The following FGF12 variants were observed in gnomAD, a reference collection of about 807,000 sequenced individuals.
FGF12 encodes fibroblast growth factor 12.
Under a neutral mutation model 23.6 loss-of-function variants are expected in FGF12, and 14 were observed. The observed-to-expected ratio is 0.59, with a 90% CI of 0.39 to 0.93. The LOEUF is 0.93. Ranked by LOEUF, FGF12 falls within the 40% of genes least tolerant of loss-of-function variation. The pLI, the probability that FGF12 is intolerant of heterozygous loss-of-function variation, is 0.00. For synonymous variants in FGF12, 62 were observed against 77.3 expected (o/e 0.80, Z 1.04); for missense variants, 175 against 217.8 (o/e 0.80, Z 1.24).
At chr3:192,177,840 G>T (rs1305611695) in intron 4 of FGF12, among the ~76,000 whole-genome samples, 1 of 152,154 alleles carries the variant, frequency 6.6e-6, no homozygotes, top group Admixed American at 6.5e-5. Context: ...AAGCTCCCTT[G>T]ACTACCTTAC....
At chr3:192,635,720 G>T (rs183357069) in intron 2 of FGF12, among the ~76,000 whole-genome samples, 1 of 151,996 alleles carries the variant, frequency 6.6e-6, no homozygotes, top group East Asian at 1.9e-4. Flanking sequence ...CTTTTTTTAC[G>T]TGTGGGGAGG....
chr3:192,617,756 T>C (rs1714817191), intron 2 of FGF12, among the ~76,000 whole-genome samples: 1 of 151,926 alleles, frequency 6.6e-6, no homozygotes, highest in South Asian at 2.1e-4. Context: ...AGAGTTTTAG[T>C]AGAGATTATT....
chr3:192,668,569 C>CTGGTACACAGGGTCTGCG (rs1165553504), intron 2 of FGF12, among the ~76,000 whole-genome samples: 2 of 152,146 alleles, frequency 1.3e-5, no homozygotes, highest in Admixed American at 6.5e-5. Flanking sequence ...TGGTTTTCTG[C>CTGGTACACAGGGTCTGCG]TGGTACACAG....
At chr3:192,432,585 C>T (rs1366747685) in intron 2 of FGF12, among the ~76,000 whole-genome samples, 2 of 138,242 alleles carry the variant, frequency 1.4e-5, no homozygotes, top group African/African-American at 5.6e-5. Context: ...GGGGCAAGGT[C>T]CTGTAGGAAC....
chr3:192,252,935 C>T lies in FGF12; in HGVS notation c.229-82279G>A, dbSNP rs928912113. On this transcript the variant is annotated intron_variant, in intron 4 of 5. Coordinates refer to ENST00000445105, the MANE Select transcript of FGF12 (RefSeq NM_004113.6). ...TGGGGGAACTGATTTGGTCTTAATG[C>T]CAAGGAAAGAAACAATAAGAAACTA... 4.6e-5 allele frequency among the ~76,000 whole-genome samples: 7 copies of T among 151,952 alleles called. No homozygotes were observed. The East Asian group carries it at 1.4e-3, about 29-fold the overall frequency.
Position 192,408,042 on chromosome 3 carries a change from G to A in FGF12, c.14-47504C>T. 3 of 1,611,614 alleles carry A rather than the reference G, an allele frequency of 1.9e-6. No homozygotes were observed. The highest frequency in any genetic ancestry group is 2.2e-5 in the East Asian group (1 of 44,836). The stretch of plus-strand genomic sequence containing the variant: ...CTACTGACCTGGTCTCCGCCTCACC[G>A]GCCTCTTGCGGCCGCTGCAGAAGCG... On this transcript the variant is annotated intron_variant, in intron 2 of 5. Transcript: ENST00000445105. This position sits in a 1 kb window ranked among gnomAD's most constrained non-coding sequence, Gnocchi z 7.3.
At chr3:192,539,044 G>C (rs1349992731) in intron 2 of FGF12, among the ~76,000 whole-genome samples, 1 of 152,132 alleles carries the variant, frequency 6.6e-6, no homozygotes, top group Non-Finnish European at 1.5e-5. Flanking sequence ...TTTGGGTGCA[G>C]CCTTTAGGTT....
chr3:192,638,962 C>T lies in FGF12; in HGVS notation c.13+88219G>A, dbSNP rs189412608. ...AGAAATTCACTTCTGGCTTTCCCTG[C>T]ATTTAATGCTTTTGCACTACAAAGG... On this transcript the variant is annotated intron_variant, in intron 2 of 5. Transcript: ENST00000445105. Among the ~76,000 whole-genome samples the T allele has an allele frequency of 1.2e-4, 18 of 152,274 alleles. No individual in the cohort carries two copies. In the East Asian group the frequency reaches 2.9e-3, roughly 24 times the overall value.
chr3:192,163,701 G>C (rs1034925754), intron 5 of FGF12, among the ~76,000 whole-genome samples: 3 of 152,172 alleles, frequency 2.0e-5, no homozygotes. Flanking sequence ...CACTACAGAT[G>C]GTTCTGGTAC....
chr3:192,654,589 G>T (rs182686990), intron 2 of FGF12, among the ~76,000 whole-genome samples: 11 of 152,294 alleles, frequency 7.2e-5, no homozygotes, highest in Admixed American at 3.3e-4. Flanking sequence ...AATGATAGCC[G>T]AGTTAAGGAT....
At chr3:192,680,753 C>T (rs1419369584) in intron 2 of FGF12, among the ~76,000 whole-genome samples, 1 of 152,162 alleles carries the variant, frequency 6.6e-6, no homozygotes, top group Non-Finnish European at 1.5e-5. Context: ...CCTCCTAGCT[C>T]CCAAATCCAT....
chr3:192,601,044 A>C (rs1261864433), intron 2 of FGF12, among the ~76,000 whole-genome samples: 2 of 152,132 alleles, frequency 1.3e-5, no homozygotes, highest in Non-Finnish European at 2.9e-5. Flanking sequence ...TATGGAGTCA[A>C]TCTAGGTGTC....
chr3:192,145,583 AC>A (rs1396878415), intron 5 of FGF12, among the ~76,000 whole-genome samples: 1 of 152,230 alleles, frequency 6.6e-6, no homozygotes, highest in Non-Finnish European at 1.5e-5. Context: ...AACCCAGACT[AC>A]ACTCTGAGTA....
chr3:192,635,152 G>A (rs148877247), intron 2 of FGF12, among the ~76,000 whole-genome samples: 210 of 152,230 alleles, frequency 1.4e-3, no homozygotes, highest in African/African-American at 4.0e-3. Flanking sequence ...GAGCCACCAC[G>A]CCTGACGGAG....
chr3:192,650,435 C>T lies in FGF12; in HGVS notation c.13+76746G>A, dbSNP rs1716174618. Among the ~76,000 whole-genome samples, 7 of 152,188 alleles carry T rather than the reference C, an allele frequency of 4.6e-5. No individual in the cohort carries two copies. In the South Asian group the frequency reaches 1.4e-3, roughly 32 times the overall value. On this transcript the variant is annotated intron_variant, in intron 2 of 5. Transcript: ENST00000445105. ...TCCTAGTTTCCACTTTTGATAAACT[C>T]CTACTCATTCTGAAAGACAGTTCCC...
intron 2 of FGF12, among the ~76,000 whole-genome samples, chr3:192,431,763 G>C (rs1576977068): frequency 6.6e-6 from 1 of 152,080 alleles, no homozygotes; most frequent in African/African-American, 2.4e-5. Context: ...AAATGTTGTT[G>C]AAATACTAAA....
intron 2 of FGF12, among the ~76,000 whole-genome samples, chr3:192,571,087 A>AGGGGG (rs755363377): frequency 2.6e-5 from 4 of 151,744 alleles, no homozygotes; most frequent in Admixed American, 2.6e-4. Context: ...GTTGGGGGGA[A>AGGGGG]AAAACAAACC....
chr3:192,570,059 T>C (rs1257983475), intron 2 of FGF12, among the ~76,000 whole-genome samples: 4 of 152,086 alleles, frequency 2.6e-5, no homozygotes, highest in African/African-American at 7.2e-5. Context: ...CCAGAATCTA[T>C]AGGTTTTAAT....
chr3:192,190,499 T>G (rs574826866), intron 4 of FGF12, among the ~76,000 whole-genome samples: 650 of 120,660 alleles, frequency 5.4e-3, no homozygotes, highest in East Asian at 0.018. Context: ...TTTTTGAGAC[T>G]GAGTCTCGCT....
Sources: gnomAD v4.1 joint callset for allele counts (sites outside exome capture counted in the v4.1 genomes callset) on GRCh38, gnomAD v4.1.1 for gene constraint, Gnocchi (gnomAD v3.1) non-coding constraint, MANE v1.5 for transcripts, NCBI Gene and HGNC (gene_info 2026-07-23, HGNC 2026-07-21) for gene names.